The following PRKCA variants were observed in gnomAD, a reference collection of about 807,000 sequenced individuals.
PRKCA encodes protein kinase C alpha type.
A neutral mutation model predicts 87.0 loss-of-function variants in PRKCA; 27 were observed. That is an observed-to-expected ratio of 0.31 (90% confidence interval 0.23 to 0.43). The LOEUF (loss-of-function observed/expected upper bound fraction) is 0.43, where lower values mean the gene tolerates loss of function less well. Among genes scored for constraint, PRKCA ranks in the 20% least tolerant of loss-of-function variants. The pLI, the probability that PRKCA is intolerant of heterozygous loss-of-function variation, is 1.00. For missense variants in PRKCA, 518 were observed against 852.3 expected, an observed-to-expected ratio of 0.61 and a Z score of 4.88; for synonymous variants, 329 against 311.1, an observed-to-expected ratio of 1.06 and a Z score of -0.61.
In PRKCA at chr17:66,423,099, G is replaced by A. The variant is rs534066331; in HGVS notation, c.206-73102G>A. 7.3e-5 allele frequency among the ~76,000 whole-genome samples: 11 copies of A among 151,172 alleles called. No individual in the cohort carries two copies. The South Asian group carries it at 1.7e-3, about 23-fold the overall frequency. ...GCACTCCAGCCTGGGTGATAAAAGC[G>A]AGACCTTGTCTCAAAAAAAAAAAGT... On this transcript the variant is annotated intron_variant, in intron 2 of 16. Transcript: ENST00000413366.
chr17:66,485,026 G>C (rs1424620649), intron 2 of PRKCA, among the ~76,000 whole-genome samples: 1 of 152,096 alleles, frequency 6.6e-6, no homozygotes, highest in East Asian at 1.9e-4. Context: ...GAAGAGAGAG[G>C]ATGTGAGAGA....
At chr17:66,343,537 G>T (rs1907172338) in intron 2 of PRKCA, among the ~76,000 whole-genome samples, 1 of 152,148 alleles carries the variant, frequency 6.6e-6, no homozygotes, top group South Asian at 2.1e-4. Context: ...CATTTGGCCT[G>T]CTGTGCAGAG....
intron 3 of PRKCA, among the ~76,000 whole-genome samples, chr17:66,607,820 A>G (rs1022299565): frequency 1.3e-5 from 2 of 152,182 alleles, no homozygotes; most frequent in African/African-American, 4.8e-5. Flanking sequence ...CTCTGGATGT[A>G]TGTTTAATTC....
chr17:66,541,903 C>G (rs1357175840), intron 3 of PRKCA, among the ~76,000 whole-genome samples: 1 of 152,104 alleles, frequency 6.6e-6, no homozygotes, highest in Non-Finnish European at 1.5e-5. Context: ...TGTATGAGCC[C>G]CTAAAATGTT....
chr17:66,700,559 C>T (rs1342815515), intron 8 of PRKCA, among the ~76,000 whole-genome samples: 1 of 152,084 alleles, frequency 6.6e-6, no homozygotes, highest in Admixed American at 6.6e-5. Flanking sequence ...CTTAAAGACA[C>T]CACCAAAGAA....
intron 13 of PRKCA, among the ~76,000 whole-genome samples, chr17:66,761,832 G>A (rs761297505): frequency 5.9e-5 from 9 of 151,976 alleles, no homozygotes; most frequent in Admixed American, 2.6e-4. Flanking sequence ...GTATCTTAGC[G>A]TATTTGTCTG....
chr17:66,646,155 G>A (rs1044797387), intron 5 of PRKCA, among the ~76,000 whole-genome samples: 1 of 152,184 alleles, frequency 6.6e-6, no homozygotes, highest in Non-Finnish European at 1.5e-5. Flanking sequence ...TCCAGATACT[G>A]TGCTTATAAT....
intron 3 of PRKCA, among the ~76,000 whole-genome samples, chr17:66,605,165 T>C (rs113590160): frequency 2.0e-5 from 3 of 152,176 alleles, no homozygotes; most frequent in Non-Finnish European, 4.4e-5. Context: ...ATGGGGCCAA[T>C]GTATTGCAGT....
At chr17:66,411,667 C>T (rs1037370633) in intron 2 of PRKCA, among the ~76,000 whole-genome samples, 1 of 152,092 alleles carries the variant, frequency 6.6e-6, no homozygotes, top group Non-Finnish European at 1.5e-5. Flanking sequence ...CAGAGGTGGA[C>T]GAAACTGCTT....
intron 2 of PRKCA, among the ~76,000 whole-genome samples, chr17:66,421,760 C>T (rs144005935): frequency 1.8e-3 from 263 of 148,808 alleles, no homozygotes; most frequent in African/African-American, 6.2e-3. Flanking sequence ...CCAGGCTTGT[C>T]TCCAACTCCT....
intron 5 of PRKCA, among the ~76,000 whole-genome samples, chr17:66,674,923 A>G (rs1256547695): frequency 1.3e-5 from 2 of 152,174 alleles, no homozygotes. Context: ...GCCTGACTGC[A>G]GTGCACGCCC....
intron 2 of PRKCA, among the ~76,000 whole-genome samples, chr17:66,487,724 G>T (rs751073699): frequency 6.6e-6 from 1 of 152,156 alleles, no homozygotes. Context: ...TAACTGTGGT[G>T]GGATGTTACT....
At chr17:66,771,698 C>T (rs1041705819) in intron 13 of PRKCA, among the ~76,000 whole-genome samples, 10 of 152,074 alleles carry the variant, frequency 6.6e-5, no homozygotes, top group African/African-American at 1.4e-4. Context: ...CGGGTTCAAG[C>T]GATTCTCCTA....
At chr17:66,489,772 C>A (rs1055036919) in intron 2 of PRKCA, among the ~76,000 whole-genome samples, 8 of 148,026 alleles carry the variant, frequency 5.4e-5, no homozygotes, top group African/African-American at 2.0e-4. Context: ...CCTTTAATTC[C>A]TTTCTTTCCT....
At chr17:66,350,870 T>C (rs1481653262) in intron 2 of PRKCA, among the ~76,000 whole-genome samples, 1 of 152,198 alleles carries the variant, frequency 6.6e-6, no homozygotes, top group Non-Finnish European at 1.5e-5. Flanking sequence ...AGCATTCGTG[T>C]GCAAATGCAC....
chr17:66,514,518 C>T (rs1225594225), intron 3 of PRKCA, among the ~76,000 whole-genome samples: 3 of 152,244 alleles, frequency 2.0e-5, no homozygotes, highest in East Asian at 1.9e-4. Flanking sequence ...ATAGGAGGCT[C>T]GCTCTCCTCA....
intron 2 of PRKCA, among the ~76,000 whole-genome samples, chr17:66,489,280 G>A (rs1916113255): frequency 6.8e-6 from 1 of 147,876 alleles, no homozygotes; most frequent in African/African-American, 2.5e-5. Context: ...AATTTAAAAT[G>A]ACATGGACTT....
chr17:66,393,746 C>T (rs1468986261), intron 2 of PRKCA, among the ~76,000 whole-genome samples: 5 of 151,978 alleles, frequency 3.3e-5, no homozygotes, highest in African/African-American at 9.7e-5. Flanking sequence ...CTGAGTGCAG[C>T]GCCCTCCCTG....
intron 3 of PRKCA, among the ~76,000 whole-genome samples, chr17:66,510,756 T>C (rs1412023750): frequency 1.4e-5 from 2 of 143,256 alleles, no homozygotes; most frequent in Non-Finnish European, 2.9e-5. Context: ...ATTTTATTAT[T>C]TTTTTTTGAG....
Sources: allele counts gnomAD v4.1 joint callset (sites outside exome capture counted in the v4.1 genomes callset), GRCh38; gene constraint gnomAD v4.1.1; transcripts MANE v1.5; gene names NCBI Gene and HGNC (gene_info 2026-07-23, HGNC 2026-07-21).